The following NCKAP1 variants were observed in gnomAD, a reference collection of about 807,000 sequenced individuals.
The protein encoded by NCKAP1 is NCK associated protein 1, also known as nck-associated protein 1.
A neutral mutation model predicts 151.2 loss-of-function variants in NCKAP1; 21 were observed. The observed-to-expected ratio is 0.14, with a 90% CI of 0.10 to 0.20. NCKAP1 has a LOEUF of 0.20. Among genes scored for constraint, NCKAP1 ranks in the 10% least tolerant of loss-of-function variants. The probability of loss-of-function intolerance (pLI) is 1.00; values close to 1 mark genes in which losing one functional copy is unlikely to be tolerated. For synonymous variants in NCKAP1, 484 were observed against 451.8 expected, an observed-to-expected ratio of 1.07 and a Z score of -0.90; for missense variants, 933 against 1,352.1, an observed-to-expected ratio of 0.69 and a Z score of 4.86.
chr2:183,037,475 T>C (rs891334214), intron 1 of NCKAP1, among the ~76,000 whole-genome samples: 3 of 151,914 alleles, frequency 2.0e-5, no homozygotes, highest in South Asian at 2.1e-4. Flanking sequence ...TAAAATAAAG[T>C]GGCAAAGTGG....
intron 1 of NCKAP1, among the ~76,000 whole-genome samples, chr2:183,028,553 T>G (rs932403348): frequency 6.6e-6 from 1 of 152,152 alleles, no homozygotes; most frequent in Non-Finnish European, 1.5e-5. Context: ...TTGGGTCAAG[T>G]GCATAATAGC....
chr2:182,961,407 A>G (rs1454191197), intron 18 of NCKAP1, among the ~76,000 whole-genome samples: 1 of 152,054 alleles, frequency 6.6e-6, no homozygotes, highest in Admixed American at 6.6e-5. Context: ...CGGCCATAAA[A>G]AATGAGTTCA....
chr2:182,930,650 G>T, intron 27 of NCKAP1, 45 bp downstream of exon 27: 1 of 1,459,790 alleles, frequency 6.9e-7, no homozygotes, highest in Non-Finnish European at 9.6e-7. Context: ...ATGCTGCCCT[G>T]GTAACTTTAA....
chr2:182,936,512 T>G (rs1696878567), intron 24 of NCKAP1, among the ~76,000 whole-genome samples: 1 of 152,200 alleles, frequency 6.6e-6, no homozygotes, highest in Non-Finnish European at 1.5e-5. Context: ...AGACCTATAT[T>G]TGTATATACA....
intron 22 of NCKAP1, 31 bp from the exon 23 acceptor site, chr2:182,952,533 C>G (rs779225042): frequency 6.9e-7 from 1 of 1,450,830 alleles, no homozygotes; most frequent in South Asian, 1.2e-5. Context: ...TTTTATACTT[C>G]CGACAGAGCA....
Position 182,952,708 on chromosome 2 carries a change from C to G in NCKAP1, c.2503+85G>C, listed in dbSNP as rs73980534. ...ATATAATTGAATGAAATAGTCACAA[C>G]AGAATCAAAAGTCTAAAGAATCAAG... On this transcript the variant is annotated intron_variant, in intron 22 of 30. Coordinates refer to ENST00000361354, the MANE Select transcript of NCKAP1 (RefSeq NM_013436.5). 2.4e-3 allele frequency: 3,355 copies of G among 1,381,536 alleles called. 66 individuals carry two copies. In the African/African-American group the frequency reaches 0.043, roughly 18 times the overall value. 85.6% of individuals were successfully genotyped at this position (1,381,536 alleles called of 1,614,324 possible).
At chr2:183,024,799 T>A (rs1463644561) in intron 1 of NCKAP1, among the ~76,000 whole-genome samples, 1 of 152,218 alleles carries the variant, frequency 6.6e-6, no homozygotes, top group African/African-American at 2.4e-5. Context: ...TTGAAAAGGA[T>A]GTGTCCTTTG....
In NCKAP1 at chr2:182,910,157, T is replaced by G. The variant is rs1416271542; in HGVS notation, c.*15545A>C. On this transcript the variant is annotated 3_prime_UTR_variant, in exon 31 of 31. Transcript: ENST00000361354. ...TCTTGGAGGACTGCAGGTGCCCTGG[T>G]AGCCAAAAGGGCTCTAAGTTCAAAC... The G allele has an allele frequency of 1.3e-5, 2 of 152,222 alleles. No individual in the cohort carries two copies. The highest frequency in any genetic ancestry group is 2.9e-5 in the Non-Finnish European group (2 of 68,054). 9.4% of individuals were successfully genotyped at this position (152,222 alleles called of 1,614,324 possible).
At chr2:182,935,872 C>T (rs1378928614) in intron 24 of NCKAP1, among the ~76,000 whole-genome samples, 1 of 152,104 alleles carries the variant, frequency 6.6e-6, no homozygotes, top group Non-Finnish European at 1.5e-5. Context: ...CTGTTGAGAA[C>T]ACATGCAGTT....
intron 1 of NCKAP1, among the ~76,000 whole-genome samples, chr2:183,035,862 C>A (rs958426657): frequency 1.3e-5 from 2 of 152,084 alleles, no homozygotes; most frequent in Non-Finnish European, 2.9e-5. Context: ...TCAACCTGGC[C>A]TAACTGAAGG....
At chr2:182,962,563 A>T (rs1218273369) in intron 17 of NCKAP1, among the ~76,000 whole-genome samples, 1 of 152,148 alleles carries the variant, frequency 6.6e-6, no homozygotes, top group East Asian at 1.9e-4. Context: ...TTAATTTTCA[A>T]ATTCCACAAA....
At chr2:182,996,341 G>C (rs952372680) in intron 6 of NCKAP1, among the ~76,000 whole-genome samples, 1 of 152,128 alleles carries the variant, frequency 6.6e-6, no homozygotes, top group African/African-American at 2.4e-5. Context: ...TTATCAACGG[G>C]TTTGTTGATT....
intron 11 of NCKAP1, 84 bp from the exon 12 acceptor site, chr2:182,983,011 G>A: frequency 9.9e-7 from 1 of 1,010,060 alleles, no homozygotes; most frequent in Non-Finnish European, 1.4e-6. Flanking sequence ...AAAGTCATTG[G>A]CAAGAAGTGA....
chr2:182,917,054 C>T lies in NCKAP1; in HGVS notation c.*8648G>A, dbSNP rs558633849. The T allele has an allele frequency of 1.3e-5, 2 of 152,294 alleles. No individual in the cohort carries two copies. The highest frequency in any genetic ancestry group is 4.1e-4 in the South Asian group (2 of 4,826). The allele number at this position is 152,294 out of a possible 1,614,324, so 9.4% of individuals were successfully genotyped here. A position where few individuals can be genotyped will look rare whatever the true frequency, so the allele number is the denominator to read the frequency against. Reference sequence around the variant, plus strand: ...CTAATAATACTGGAGAAACTACCACCATTTACACTGAATGCCTACTTTGTG... The same window carrying T: ...CTAATAATACTGGAGAAACTACCACTATTTACACTGAATGCCTACTTTGTG... On this transcript the variant is annotated 3_prime_UTR_variant, in exon 31 of 31. Transcript: ENST00000361354.
chr2:182,954,898 T>G (rs1281030149), intron 20 of NCKAP1, among the ~76,000 whole-genome samples: 1 of 151,884 alleles, frequency 6.6e-6, no homozygotes, highest in Non-Finnish European at 1.5e-5. Context: ...AAAAAAAAAC[T>G]GCTTCTCTGT....
intron 12 of NCKAP1, among the ~76,000 whole-genome samples, chr2:182,982,241 A>G (rs1012494729): frequency 6.6e-6 from 1 of 152,176 alleles, no homozygotes; most frequent in Admixed American, 6.5e-5. Context: ...ACTACGAGAA[A>G]ATAAAAGCCC....
chr2:182,980,141 A>C (rs1037936430), intron 13 of NCKAP1, among the ~76,000 whole-genome samples: 1 of 152,128 alleles, frequency 6.6e-6, no homozygotes, highest in Non-Finnish European at 1.5e-5. Flanking sequence ...CTGTTAAGTA[A>C]TAACTATTCA....
At chr2:182,975,060 T>A (rs1697777528) in intron 15 of NCKAP1, among the ~76,000 whole-genome samples, 1 of 152,212 alleles carries the variant, frequency 6.6e-6, no homozygotes, top group African/African-American at 2.4e-5. Flanking sequence ...GGCACTCCTA[T>A]AAACCCAGAA....
chr2:182,980,085 G>A (rs1348992614), intron 13 of NCKAP1, among the ~76,000 whole-genome samples: 2 of 152,016 alleles, frequency 1.3e-5, no homozygotes, highest in Non-Finnish European at 2.9e-5. Context: ...TAAACTGTAT[G>A]CTAGTATGAA....
Sources: gnomAD v4.1 joint callset for allele counts (sites outside exome capture counted in the v4.1 genomes callset) on GRCh38, gnomAD v4.1.1 for gene constraint, MANE v1.5 for transcripts, NCBI Gene and HGNC (gene_info 2026-07-23, HGNC 2026-07-21) for gene names.